ZNF480: variants seen among roughly 807,000 people sequenced by gnomAD.
ZNF480 encodes the protein zinc finger protein 480.
ZNF480 carries 15 observed loss-of-function variants against 14.4 expected under a neutral mutation model. That is an observed-to-expected ratio of 1.04 (90% confidence interval 0.70 to 1.60). The LOEUF is 1.60. ZNF480 is among the 40% of genes most tolerant of loss of function. ZNF480 has a pLI of 0.00. For synonymous variants in ZNF480, 218 were observed against 215.5 expected (o/e 1.01, Z -0.10); for missense variants, 593 against 629.7 (o/e 0.94, Z 0.62).
Position 52,323,137 on chromosome 19 carries a change from C to A in ZNF480, c.*279C>A. The stretch of plus-strand genomic sequence containing the variant: ...ACAAAGGGGACATTACCACCAACCC[C>A]ACAGAAATACGAAAAACCCTCAAAG... On this transcript the variant is annotated 3_prime_UTR_variant, in exon 5 of 5. Coordinates refer to ENST00000595962, the MANE Select transcript of ZNF480 (RefSeq NM_144684.4). 1 of 301,506 alleles carries A rather than the reference C, an allele frequency of 3.3e-6. No homozygotes were observed. The highest frequency in any genetic ancestry group is 6.1e-6 in the Non-Finnish European group (1 of 163,950). 18.7% of individuals were successfully genotyped at this position (301,506 alleles called of 1,614,324 possible). A position where few individuals can be genotyped will look rare whatever the true frequency, so the allele number is the denominator to read the frequency against.
rs376056683 is a variant in ZNF480, at chr19:52,310,565, C to T, written c.73-3588C>T. On this transcript the variant is annotated intron_variant, in intron 2 of 4. Transcript: ENST00000595962. ...GCAGCACAGACCAGCCCCCTTTTCC[C>T]TGCCTTAAAGTCAAGGAAATGTCTG... is the stretch of plus-strand genomic sequence containing the variant. Among the ~76,000 whole-genome samples, 13 of 152,140 alleles carry T rather than the reference C, an allele frequency of 8.5e-5. No homozygotes were observed. In the East Asian group the frequency reaches 1.7e-3, roughly 20 times the overall value.
intron 2 of ZNF480, among the ~76,000 whole-genome samples, chr19:52,312,979 C>A (rs1983361463): frequency 6.6e-6 from 1 of 151,868 alleles, no homozygotes; most frequent in Non-Finnish European, 1.5e-5. Context: ...CACCAGTACC[C>A]CCAGCTGATT....
intron 4 of ZNF480, among the ~76,000 whole-genome samples, chr19:52,317,801 G>C (rs1435481920): frequency 1.3e-5 from 2 of 152,138 alleles, no homozygotes; most frequent in Non-Finnish European, 2.9e-5. Context: ...CACCAACAGT[G>C]GCACAAAATT....
chr19:52,303,774 A>T (rs1439459826), intron 2 of ZNF480, among the ~76,000 whole-genome samples: 1 of 152,186 alleles, frequency 6.6e-6, no homozygotes, highest in Admixed American at 6.5e-5. Flanking sequence ...CTCATGTCAT[A>T]GGTAGGAATG....
Position 52,322,928 on chromosome 19 carries a change from C to T in ZNF480, c.*70C>T, listed in dbSNP as rs991151572. ...CAAGCCTTACTACCCATCTTTTATTCCATACTGCAAAGAAATTTTGCAAAT... is the reference window on the plus strand; with the variant it reads ...CAAGCCTTACTACCCATCTTTTATTTCATACTGCAAAGAAATTTTGCAAAT... On this transcript the variant is annotated 3_prime_UTR_variant, in exon 5 of 5. Transcript: ENST00000595962. 1.1e-4 allele frequency: 158 copies of T among 1,405,756 alleles called. No homozygotes were observed. Among genetic ancestry groups the T allele is most frequent in the Non-Finnish European group, 1.4e-4 (146 of 1,058,150 alleles). The allele number at this position is 1,405,756 out of a possible 1,614,324, so 87.1% of individuals were successfully genotyped here.
intron 2 of ZNF480, among the ~76,000 whole-genome samples, chr19:52,311,335 T>C (rs1156780200): frequency 6.6e-6 from 1 of 151,868 alleles, no homozygotes; most frequent in African/African-American, 2.4e-5. Flanking sequence ...TAAAATATTA[T>C]ATATAATCAT....
At chr19:52,311,609 C>T (rs1231373264) in intron 2 of ZNF480, among the ~76,000 whole-genome samples, 1 of 152,096 alleles carries the variant, frequency 6.6e-6, no homozygotes, top group East Asian at 1.9e-4. Context: ...ACAATTTATA[C>T]ATTTTTGTTG....
chr19:52,298,347 G>T (rs898684373), intron 1 of ZNF480, among the ~76,000 whole-genome samples: 1 of 151,968 alleles, frequency 6.6e-6, no homozygotes, highest in Non-Finnish European at 1.5e-5. Context: ...AGGGGAAGAG[G>T]CAAGACCGGG....
chr19:52,322,383 AG>A lies in ZNF480; in HGVS notation c.1135del (p.Val379SerfsTer8), dbSNP rs1227225469. ...CCTTACAAATGTAATGAATGTGGAA[AG>A]GTCTTTATTCAAAATTCGCACCTAG... The part of the protein sequence containing the change: ...EKPYKCNECG[K>X]VFIQNSHLAQ... On this transcript the variant is annotated frameshift_variant, in exon 5 of 5. Transcript: ENST00000595962. LOFTEE classifies it low-confidence loss of function (END_TRUNC). 1.2e-6 allele frequency: 2 copies of A among 1,613,950 alleles called. No homozygotes were observed. The highest frequency in any genetic ancestry group is 2.7e-5 in the African/African-American group (2 of 74,932).
intron 3 of ZNF480, among the ~76,000 whole-genome samples, chr19:52,314,770 C>T (rs1983470760): frequency 6.6e-6 from 1 of 151,786 alleles, no homozygotes; most frequent in South Asian, 2.1e-4. Context: ...CACCATTGCA[C>T]TCCAGCCTGG....
Position 52,322,404 on chromosome 19 carries a change from A to G in ZNF480, c.1154A>G (p.His385Arg), listed in dbSNP as rs772088731. ...ECGKVFIQNS[H>R]LAQHWRIHTG... ...GGAAAGGTCTTTATTCAAAATTCGC[A>G]CCTAGCACAACATTGGAGAATTCAT... Residue 385 changes from histidine to arginine, a missense_variant, in exon 5 of 5, where the codon CAC becomes CGC. His to Arg is a conservative substitution (Grantham distance 29). Transcript: ENST00000595962. 2.5e-6 allele frequency: 4 copies of G among 1,614,020 alleles called. No individual in the cohort carries two copies. The South Asian group carries it at 3.3e-5, about 13-fold the overall frequency.
At chr19:52,297,700 C>T (rs1982475812) in intron 1 of ZNF480, 1 of 155,374 alleles carries the variant, frequency 6.4e-6, no homozygotes, top group African/African-American at 2.4e-5. Context: ...GATACGGGGC[C>T]CCGCTACTCC....
At chr19:52,298,116 T>C (rs1172939471) in intron 1 of ZNF480, among the ~76,000 whole-genome samples, 3 of 150,108 alleles carry the variant, frequency 2.0e-5, no homozygotes, top group Admixed American at 2.0e-4. Flanking sequence ...AGTGGGAAGT[T>C]CCTCAGTTTG....
chr19:52,299,316 A>G (rs1982571082), intron 1 of ZNF480, among the ~76,000 whole-genome samples: 1 of 152,232 alleles, frequency 6.6e-6, no homozygotes, highest in Non-Finnish European at 1.5e-5. Flanking sequence ...TCTTCCCACC[A>G]ACAAGCAATT....
At chr19:52,312,468 CT>C (rs1391940274) in intron 2 of ZNF480, among the ~76,000 whole-genome samples, 3 of 152,172 alleles carry the variant, frequency 2.0e-5, no homozygotes. Flanking sequence ...CCATAATGAC[CT>C]TTTATGAAGG....
chr19:52,309,522 T>C (rs10404181), intron 2 of ZNF480, among the ~76,000 whole-genome samples: 2,966 of 152,354 alleles, frequency 0.019, 108 homozygotes, highest in African/African-American at 0.067. Flanking sequence ...AATGCTTATG[T>C]TCAGACAAGA....
At chr19:52,315,482 AT>A (rs34428893) in intron 3 of ZNF480, among the ~76,000 whole-genome samples, 2 of 147,824 alleles carry the variant, frequency 1.4e-5, no homozygotes, top group Non-Finnish European at 1.5e-5. Context: ...TGCTTGGCTA[AT>A]TTTTTTTTTG....
intron 4 of ZNF480, among the ~76,000 whole-genome samples, chr19:52,320,478 C>G (rs1218027735): frequency 6.6e-6 from 1 of 152,094 alleles, no homozygotes; most frequent in Non-Finnish European, 1.5e-5. Context: ...TATCACGAGC[C>G]CTTGTCTCTA....
At chr19:52,309,347 T>G (rs1983158255) in intron 2 of ZNF480, among the ~76,000 whole-genome samples, 1 of 152,148 alleles carries the variant, frequency 6.6e-6, no homozygotes, top group Non-Finnish European at 1.5e-5. Flanking sequence ...GTGACCAGGT[T>G]CTGCTGAGGA....
Sources: allele counts gnomAD v4.1 joint callset (sites outside exome capture counted in the v4.1 genomes callset), GRCh38; gene constraint gnomAD v4.1.1; transcripts MANE v1.5; gene names NCBI Gene and HGNC (gene_info 2026-07-23, HGNC 2026-07-21).